Variants in USP34 observed in about 807,000 individuals in gnomAD.
The protein encoded by USP34 is ubiquitin carboxyl-terminal hydrolase 34.
USP34 carries 70 observed loss-of-function variants against 460.3 expected under a neutral mutation model. The ratio of observed to expected loss-of-function variants is 0.15; its 90% CI spans 0.13 to 0.19. The LOEUF is 0.19. Ranked by LOEUF, USP34 falls within the 10% of genes least tolerant of loss-of-function variation. USP34 has a pLI of 1.00. For missense variants in USP34, 3,985 were observed against 4,236.2 expected (o/e 0.94, Z 1.65); for synonymous variants, 1,647 against 1,405.3 (o/e 1.17, Z -3.85).
chr2:61,290,872 T>C (rs187271716), intron 33 of USP34, among the ~76,000 whole-genome samples: 3 of 152,148 alleles, frequency 2.0e-5, no homozygotes, highest in Admixed American at 6.5e-5. Context: ...ACAGAAAACA[T>C]AGTCATCAAT....
At chr2:61,469,585 C>G (rs931677878) in intron 1 of USP34, among the ~76,000 whole-genome samples, 1 of 152,158 alleles carries the variant, frequency 6.6e-6, no homozygotes, top group Non-Finnish European at 1.5e-5. Context: ...AAGTGACAGT[C>G]AAACACAAAT....
rs555718579 is a variant in USP34, at chr2:61,470,471, G to A, written c.43+179C>T. 6.9e-4 allele frequency among the ~76,000 whole-genome samples: 102 copies of A among 148,874 alleles called. No homozygotes were observed. In the East Asian group the frequency reaches 0.019, roughly 27 times the overall value. On this transcript the variant is annotated intron_variant, in intron 1 of 79. Coordinates refer to ENST00000398571, the MANE Select transcript of USP34 (RefSeq NM_014709.4). The stretch of plus-strand genomic sequence containing the variant: ...TCTCGGGCGCCCAGGTAACCCGGCC[G>A]GGCTGGGCCCGAGGCGCCGCGGCGG...
At chr2:61,427,834 G>A (rs989554296) in intron 1 of USP34, among the ~76,000 whole-genome samples, 2 of 152,016 alleles carry the variant, frequency 1.3e-5, no homozygotes, top group African/African-American at 4.8e-5. Flanking sequence ...CATGCCTACG[G>A]GATCTAGAAA....
chr2:61,343,295 A>C (rs1691661939), intron 16 of USP34, among the ~76,000 whole-genome samples: 1 of 152,104 alleles, frequency 6.6e-6, no homozygotes, highest in African/African-American at 2.4e-5. Flanking sequence ...CCATTCTTTC[A>C]AGTCTGGTCA....
Position 61,254,827 on chromosome 2 carries a change from G to A in USP34, c.6221+1557C>T, listed in dbSNP as rs969210633. 5.3e-5 allele frequency among the ~76,000 whole-genome samples: 8 copies of A among 152,116 alleles called. No individual in the cohort carries two copies. In the South Asian group the frequency reaches 6.2e-4, roughly 12 times the overall value. ...GAAAAAATTGTATAATGTTTGGCAC[G>A]CATTAGTAGAACAAGTATAGCATTT... On this transcript the variant is annotated intron_variant, in intron 48 of 79. Transcript: ENST00000398571.
At chr2:61,457,698 A>AATAAATAAGC (rs1384398312) in intron 1 of USP34, among the ~76,000 whole-genome samples, 5 of 152,144 alleles carry the variant, frequency 3.3e-5, no homozygotes, top group African/African-American at 1.2e-4. Flanking sequence ...CCCATTCCCA[A>AATAAATAAGC]ATAAATAAGC....
At chr2:61,215,416 C>A (rs984667747) in intron 67 of USP34, among the ~76,000 whole-genome samples, 2 of 152,146 alleles carry the variant, frequency 1.3e-5, no homozygotes, top group Non-Finnish European at 2.9e-5. Context: ...TTTGGAAAAT[C>A]TTTAGAAGTC....
At chr2:61,466,151 A>G (rs1695756267) in intron 1 of USP34, among the ~76,000 whole-genome samples, 2 of 152,054 alleles carry the variant, frequency 1.3e-5, no homozygotes, top group Non-Finnish European at 2.9e-5. Context: ...CAAGCCGGGC[A>G]TGGTGGCTCA....
intron 2 of USP34, among the ~76,000 whole-genome samples, chr2:61,417,739 C>CTTTTTTTT (rs1694237952): frequency 2.5e-5 from 2 of 81,096 alleles, no homozygotes; most frequent in African/African-American, 9.8e-5. Context: ...TTCTTTTTTT[C>CTTTTTTTT]TTTTCTTTTT....
At position 61,280,311 on chromosome 2, in the gene USP34, C is replaced by G. The variant is rs774272811; in HGVS notation, c.5189G>C (p.Gly1730Ala). The change falls in exon 39 of 80, where the codon GGA (glycine) becomes GCA (alanine). Residue 1730 changes from glycine to alanine, a missense_variant. Around this residue, in one of 14 missense-constraint regions of USP34, gnomAD observed 1,114 missense variants for 1,122.5 expected, o/e 0.99. Coordinates refer to ENST00000398571, the MANE Select transcript of USP34 (RefSeq NM_014709.4). The part of the protein sequence containing the change: ...DYEEEPILKP[G>A]CKEYFWLLCK... ...TAACAACCAAAAATACTCTTTACAT[C>G]CTGGTTTTAATATTGGTTCTTCCTC... 4 of 1,556,994 alleles carry G rather than the reference C, an allele frequency of 2.6e-6. No homozygotes were observed. The highest frequency in any genetic ancestry group is 1.3e-5 in the South Asian group (1 of 78,574).
intron 58 of USP34, among the ~76,000 whole-genome samples, chr2:61,231,972 G>T (rs766831067): frequency 1.3e-5 from 2 of 151,590 alleles, no homozygotes; most frequent in Non-Finnish European, 2.9e-5. Flanking sequence ...TGTGAAAAGT[G>T]ACTATAAAGT....
At chr2:61,381,238 A>C (rs556670882) in intron 6 of USP34, among the ~76,000 whole-genome samples, 2 of 145,404 alleles carry the variant, frequency 1.4e-5, no homozygotes, top group South Asian at 4.4e-4. Context: ...AAAAATAAAC[A>C]AAAAATGTAA....
chr2:61,344,826 T>C (rs1691715187), intron 15 of USP34, among the ~76,000 whole-genome samples: 1 of 152,142 alleles, frequency 6.6e-6, no homozygotes, highest in Non-Finnish European at 1.5e-5. Context: ...TTTAGGCCCC[T>C]GGGGGAAATC....
At chr2:61,401,565 T>C (rs1693720346) in intron 3 of USP34, among the ~76,000 whole-genome samples, 1 of 95,230 alleles carries the variant, frequency 1.1e-5, no homozygotes, top group Non-Finnish European at 2.2e-5. Flanking sequence ...TTTTTTTTTT[T>C]TGAGACAGAG....
intron 8 of USP34, among the ~76,000 whole-genome samples, chr2:61,377,717 G>T (rs187944982): frequency 3.7e-4 from 56 of 152,252 alleles, no homozygotes; most frequent in African/African-American, 1.3e-3. Context: ...AATTTCTGTT[G>T]TTTATAAGTC....
At chr2:61,360,101 T>A (rs1011698960) in intron 10 of USP34, among the ~76,000 whole-genome samples, 13 of 151,932 alleles carry the variant, frequency 8.6e-5, no homozygotes, top group African/African-American at 3.1e-4. Context: ...AATAATAGCA[T>A]AAATCAGTAA....
intron 10 of USP34, among the ~76,000 whole-genome samples, chr2:61,351,652 T>G (rs560024660): frequency 4.1e-4 from 63 of 152,310 alleles, no homozygotes; most frequent in African/African-American, 1.5e-3. Context: ...TTTGTAGGCA[T>G]ACACATATGA....
chr2:61,420,854 T>A, intron 1 of USP34, 21 bp from the exon 2 acceptor site: 1 of 1,577,876 alleles, frequency 6.3e-7, no homozygotes, highest in Non-Finnish European at 8.7e-7. Context: ...AAAGAAATTT[T>A]AAAATTATGA....
At chr2:61,323,674 G>A (rs1690996914) in intron 21 of USP34, among the ~76,000 whole-genome samples, 1 of 152,120 alleles carries the variant, frequency 6.6e-6, no homozygotes, top group East Asian at 1.9e-4. Flanking sequence ...GATACTATCT[G>A]GACAGTAGCT....
Sources: allele counts gnomAD v4.1 joint callset (sites outside exome capture counted in the v4.1 genomes callset), GRCh38; gene constraint gnomAD v4.1.1; regional missense constraint gnomAD v4.1.1; transcripts MANE v1.5; gene names NCBI Gene and HGNC (gene_info 2026-07-23, HGNC 2026-07-21).